Variants in DRAXIN observed in about 807,000 individuals in gnomAD.
DRAXIN encodes dorsal repulsive axon guidance protein.
DRAXIN carries 27 observed loss-of-function variants against 33.9 expected under a neutral mutation model. That is an observed-to-expected ratio of 0.80 (90% confidence interval 0.59 to 1.10). The LOEUF (loss-of-function observed/expected upper bound fraction) is 1.10. DRAXIN is among the 50% of genes least tolerant of loss of function. DRAXIN has a pLI of 0.00. For missense variants in DRAXIN, 371 were observed against 460.8 expected (o/e 0.81, Z 1.78); for synonymous variants, 178 against 194.0 (o/e 0.92, Z 0.69).
rs918806162 is a variant in DRAXIN, at chr1:11,694,168, T to A, written c.-11+2315T>A. ...TGGGAGGGGTCTGCTCCTCCCTGGG[T>A]GGGGGCTGGGTCTCCTTCTGCTTGT... On this transcript the variant is annotated intron_variant, in intron 1 of 6. Transcript: ENST00000294485. The surrounding 1 kb of genome is among the most constrained non-coding windows in gnomAD (Gnocchi z 4.9). 6.6e-6 allele frequency among the ~76,000 whole-genome samples: 1 copy of A among 152,064 alleles called. No homozygotes were observed. The highest frequency in any genetic ancestry group is 6.6e-5 in the Admixed American group (1 of 15,242).
chr1:11,719,487 G>C, intron 6 of DRAXIN, 97 bp from the exon 7 acceptor site: 4 of 1,067,316 alleles, frequency 3.7e-6, no homozygotes, highest in Non-Finnish European at 5.6e-6. Flanking sequence ...GAATAATGAA[G>C]GCAGGAGGGA....
intron 1 of DRAXIN, among the ~76,000 whole-genome samples, chr1:11,700,833 C>A (rs980363729): frequency 6.6e-6 from 1 of 152,214 alleles, no homozygotes; most frequent in African/African-American, 2.4e-5. Context: ...CCCCCCAACC[C>A]ACTATGCAAC....
upstream of DRAXIN, among the ~76,000 whole-genome samples, chr1:11,686,807 T>TAAAAAA (rs560855200): frequency 9.6e-6 from 1 of 104,488 alleles, no homozygotes. Context: ...ACTGCCACTT[T>TAAAAAA]AAAAAAAAAA....
chr1:11,724,212 G>A lies in DRAXIN; in HGVS notation c.*4516G>A, dbSNP rs1445663198. 1.3e-5 allele frequency: 2 copies of A among 152,316 alleles called. No homozygotes were observed. The highest frequency in any genetic ancestry group is 4.1e-4 in the South Asian group (2 of 4,826). The allele number at this position is 152,316 out of a possible 1,614,324, so 9.4% of individuals were successfully genotyped here. On this transcript the variant is annotated 3_prime_UTR_variant, in exon 7 of 7. Coordinates refer to ENST00000294485, the MANE Select transcript of DRAXIN (RefSeq NM_198545.4). The stretch of plus-strand genomic sequence containing the variant: ...CAGGCACCGAGGCAGGGCTGGAGGA[G>A]TAAGTGGCTTTGCAATAAAATGGGT...
In DRAXIN at chr1:11,720,701, G is replaced by GAAGT. The variant is rs1641648906; in HGVS notation, c.*1007_*1010dup. The GAAGT allele has an allele frequency of 6.6e-6, 1 of 152,064 alleles. No homozygotes were observed. Among genetic ancestry groups the GAAGT allele is most frequent in the African/African-American group, 2.4e-5 (1 of 41,388 alleles). 9.4% of individuals were successfully genotyped at this position (152,064 alleles called of 1,614,324 possible). On this transcript the variant is annotated 3_prime_UTR_variant, in exon 7 of 7. Coordinates refer to ENST00000294485, the MANE Select transcript of DRAXIN (RefSeq NM_198545.4). ...CCAGGGACCCACTGAGAGGTCCTGG[G>GAAGT]AAGTACATGGCAGAGCAAGGACATG...
rs1641370560 is a variant in DRAXIN at position 11,705,987 on chromosome 1, T to G, written c.-10-262T>G. Among the ~76,000 whole-genome samples the G allele has an allele frequency of 1.3e-5, 2 of 152,156 alleles. No individual in the cohort carries two copies. The highest frequency in any genetic ancestry group is 1.5e-5 in the Non-Finnish European group (1 of 68,014). On this transcript the variant is annotated intron_variant, in intron 1 of 6. Coordinates refer to ENST00000294485, the MANE Select transcript of DRAXIN (RefSeq NM_198545.4). The surrounding 1 kb of genome is among the most constrained non-coding windows in gnomAD (Gnocchi z 4.8). ...GTTCTCAGCCTCGGTACTGTTGTTTTTCTGGGCCGGATGATTCTTGGTTTC... is the reference window on the plus strand; with the variant it reads ...GTTCTCAGCCTCGGTACTGTTGTTTGTCTGGGCCGGATGATTCTTGGTTTC...
chr1:11,690,476 G>A (rs1641040372), upstream of DRAXIN, among the ~76,000 whole-genome samples: 2 of 152,186 alleles, frequency 1.3e-5, no homozygotes, highest in South Asian at 4.1e-4. This position sits in a 1 kb window ranked among gnomAD's most constrained non-coding sequence, Gnocchi z 4.2. Context: ...CTGAAATTTA[G>A]GTATAATCAT....
In DRAXIN at chr1:11,706,822, G is replaced by T. The variant is rs1396842341; in HGVS notation, c.451+113G>T. 3 of 1,245,048 alleles carry T rather than the reference G, an allele frequency of 2.4e-6. No homozygotes were observed. The highest frequency in any genetic ancestry group is 5.7e-5 in the Admixed American group (2 of 34,896). The allele number at this position is 1,245,048 out of a possible 1,614,324, so 77.1% of individuals were successfully genotyped here. A position where few individuals can be genotyped will look rare whatever the true frequency, so the allele number is the denominator to read the frequency against. On this transcript the variant is annotated intron_variant, in intron 2 of 6. Transcript: ENST00000294485. The surrounding 1 kb of genome is among the most constrained non-coding windows in gnomAD (Gnocchi z 5.5). ...GGCATGAGGTCCAGAGGAGAGGAGG[G>T]GTCTCACTGAAGCCAGAGGGACCTG... is the stretch of plus-strand genomic sequence containing the variant.
At chr1:11,718,263 CA>C (rs1273003665) in intron 6 of DRAXIN, among the ~76,000 whole-genome samples, 1 of 137,734 alleles carries the variant, frequency 7.3e-6, no homozygotes, top group Non-Finnish European at 1.5e-5. Context: ...TTTCATAAGC[CA>C]AGATGGTGCC....
In DRAXIN at chr1:11,694,130, C is replaced by T. The variant is rs1641153164; in HGVS notation, c.-11+2277C>T. Among the ~76,000 whole-genome samples the T allele has an allele frequency of 6.6e-6, 1 of 152,160 alleles. No homozygotes were observed. Among genetic ancestry groups the T allele is most frequent in the Admixed American group, 6.5e-5 (1 of 15,278 alleles). On this transcript the variant is annotated intron_variant, in intron 1 of 6. Coordinates refer to ENST00000294485, the MANE Select transcript of DRAXIN (RefSeq NM_198545.4). This position sits in a 1 kb window ranked among gnomAD's most constrained non-coding sequence, Gnocchi z 4.9. ...TCCCTAGCTCTTGTGAACTGCACGG[C>T]ATAATCCCTATCTGGGAGGGGTCTG...
At position 11,705,186 on chromosome 1, in the gene DRAXIN, G is replaced by A. The variant is rs901421783; in HGVS notation, c.-10-1063G>A. Among the ~76,000 whole-genome samples, 2 of 152,170 alleles carry A rather than the reference G, an allele frequency of 1.3e-5. No homozygotes were observed. The highest frequency in any genetic ancestry group is 2.9e-5 in the Non-Finnish European group (2 of 68,028). On this transcript the variant is annotated intron_variant, in intron 1 of 6. Transcript: ENST00000294485. This position sits in a 1 kb window ranked among gnomAD's most constrained non-coding sequence, Gnocchi z 4.8. ...CCCTTGCCAGCCTAGTGGAATACTC[G>A]GGAGGCCATAAAAATTCAATTAGCC...
rs111203732 is a variant in DRAXIN at position 11,702,517 on chromosome 1, A to C, written c.-10-3732A>C. ...TCTCACATGATCATAGTATACACAC[A>C]CATGCACTCACACATGCTCCACACA... On this transcript the variant is annotated intron_variant, in intron 1 of 6. Coordinates refer to ENST00000294485, the MANE Select transcript of DRAXIN (RefSeq NM_198545.4). 8.5e-3 allele frequency among the ~76,000 whole-genome samples: 1,283 copies of C among 151,118 alleles called. 21 individuals are homozygous for C. The highest frequency in any genetic ancestry group is 0.03 in the African/African-American group (1,219 of 41,084).
rs1641246564 is a variant in DRAXIN, at chr1:11,699,950, A to AAATAAATAAATAAATAAATG, written c.-10-6297_-10-6296insTAAATAAATAAATAAATGAA. 2.8e-5 allele frequency among the ~76,000 whole-genome samples: 4 copies of AAATAAATAAATAAATAAATG among 145,280 alleles called. No individual in the cohort carries two copies. The Admixed American group carries it at 2.8e-4, about 10-fold the overall frequency. On this transcript the variant is annotated intron_variant, in intron 1 of 6. Coordinates refer to ENST00000294485, the MANE Select transcript of DRAXIN (RefSeq NM_198545.4). Reference sequence around the variant, plus strand: ...TCAATAAATAAATAAATAAATAAATAAAGTAAATCCAGGTGTAGTAGCTCA... The same window carrying AAATAAATAAATAAATAAATG: ...TCAATAAATAAATAAATAAATAAATAAATAAATAAATAAATAAATGAAGTAAATCCAGGTGTAGTAGCTCA...
At chr1:11,714,160 G>C (rs566157646) in intron 5 of DRAXIN, among the ~76,000 whole-genome samples, 103 of 149,544 alleles carry the variant, frequency 6.9e-4, no homozygotes, top group Admixed American at 1.3e-3. Flanking sequence ...AGATATGATC[G>C]CACCACTGTA....
rs573350551 is a variant in DRAXIN, at chr1:11,723,655, C to G, written c.*3959C>G. 12 of 151,462 alleles carry G rather than the reference C, an allele frequency of 7.9e-5. No homozygotes were observed. The highest frequency in any genetic ancestry group is 1.3e-4 in the Non-Finnish European group (9 of 67,964). 9.4% of individuals were successfully genotyped at this position (151,462 alleles called of 1,614,324 possible). ...TTGCCCAGGCTGGAGTGCAGTGGCACGATCTCGGCTCACTGCGACCTCTGC... is the reference window on the plus strand; with the variant it reads ...TTGCCCAGGCTGGAGTGCAGTGGCAGGATCTCGGCTCACTGCGACCTCTGC... On this transcript the variant is annotated 3_prime_UTR_variant, in exon 7 of 7. Coordinates refer to ENST00000294485, the MANE Select transcript of DRAXIN (RefSeq NM_198545.4).
rs1641191485 is a variant in DRAXIN at position 11,696,337 on chromosome 1, C to T, written c.-11+4484C>T. ...GTGCGGTGGCTCACGCCTGTAATCC[C>T]AGCACTTTGGGAGACAGAGGCAGGC... is the stretch of plus-strand genomic sequence containing the variant. On this transcript the variant is annotated intron_variant, in intron 1 of 6. Transcript: ENST00000294485. This position sits in a 1 kb window ranked among gnomAD's most constrained non-coding sequence, Gnocchi z 4.7. Among the ~76,000 whole-genome samples, 1 of 152,218 alleles carries T rather than the reference C, an allele frequency of 6.6e-6. No homozygotes were observed. Among genetic ancestry groups the T allele is most frequent in the Non-Finnish European group, 1.5e-5 (1 of 68,042 alleles).
chr1:11,711,595 G>A (rs1488993133), intron 3 of DRAXIN, among the ~76,000 whole-genome samples: 1 of 152,200 alleles, frequency 6.6e-6, no homozygotes, highest in Non-Finnish European at 1.5e-5. Flanking sequence ...CAGAGGGCCT[G>A]GTAGGTAACT....
In DRAXIN at chr1:11,725,017, G is replaced by A. The variant is rs1309622883; in HGVS notation, c.*5321G>A. 1 of 152,210 alleles carries A rather than the reference G, an allele frequency of 6.6e-6. No individual in the cohort carries two copies. The highest frequency in any genetic ancestry group is 2.4e-5 in the African/African-American group (1 of 41,430). The allele number at this position is 152,210 out of a possible 1,614,324, so 9.4% of individuals were successfully genotyped here. On this transcript the variant is annotated 3_prime_UTR_variant, in exon 7 of 7. Transcript: ENST00000294485. ...GCAGTCTGATACAGGATCCATGGCT[G>A]GGTCACTTCTGGGTGCAAGAGGCTT...
intron 5 of DRAXIN, among the ~76,000 whole-genome samples, chr1:11,713,682 A>G (rs1318806284): frequency 6.6e-6 from 1 of 152,052 alleles, no homozygotes; most frequent in Non-Finnish European, 1.5e-5. Context: ...TGAGCCCAGG[A>G]GTTCAGGACC....
Sources: allele counts gnomAD v4.1 joint callset (sites outside exome capture counted in the v4.1 genomes callset), GRCh38; gene constraint gnomAD v4.1.1; non-coding constraint Gnocchi (gnomAD v3.1); transcripts MANE v1.5; gene names NCBI Gene and HGNC (gene_info 2026-07-23, HGNC 2026-07-21).